The following LRRC4C variants were observed in gnomAD, a reference collection of about 807,000 sequenced individuals.
LRRC4C encodes the protein leucine-rich repeat-containing protein 4C.
In LRRC4C, 5 loss-of-function variants were observed where a neutral mutation model predicts 33.6. That is an observed-to-expected ratio of 0.15 (90% CI 0.08 to 0.31). The LOEUF is 0.31. LRRC4C is among the 10% of genes least tolerant of loss of function. The probability of loss-of-function intolerance (pLI) is 1.00; values close to 1 mark genes in which losing one functional copy is unlikely to be tolerated. For synonymous variants in LRRC4C, 329 were observed against 302.0 expected, an observed-to-expected ratio of 1.09 and a Z score of -0.93; for missense variants, 560 against 796.7, an observed-to-expected ratio of 0.70 and a Z score of 3.58.
chr11:40,757,745 T>A (rs1949022305), intron 2 of LRRC4C, among the ~76,000 whole-genome samples: 1 of 151,990 alleles, frequency 6.6e-6, no homozygotes, highest in Non-Finnish European at 1.5e-5. Context: ...CAAGGGATGC[T>A]AAACATCTTG....
At chr11:40,959,222 A>G (rs117797552) in intron 1 of LRRC4C, among the ~76,000 whole-genome samples, 1 of 151,652 alleles carries the variant, frequency 6.6e-6, no homozygotes, top group Non-Finnish European at 1.5e-5. Context: ...TAAGTATACC[A>G]TCAATAAAGA....
intron 3 of LRRC4C, among the ~76,000 whole-genome samples, chr11:40,563,509 T>C (rs1053337738): frequency 6.6e-6 from 1 of 152,082 alleles, no homozygotes; most frequent in Admixed American, 6.5e-5. Flanking sequence ...CTGAGGGTGG[T>C]TAATAAACAG....
At chr11:41,022,310 A>G (rs201545629) in intron 1 of LRRC4C, among the ~76,000 whole-genome samples, 3 of 151,262 alleles carry the variant, frequency 2.0e-5, no homozygotes, top group Non-Finnish European at 3.0e-5. Flanking sequence ...TATCTTTAAA[A>G]AAAGTGAACT....
At chr11:40,394,796 A>G (rs780978187) in intron 3 of LRRC4C, among the ~76,000 whole-genome samples, 15 of 152,184 alleles carry the variant, frequency 9.9e-5, no homozygotes, top group Non-Finnish European at 1.9e-4. Flanking sequence ...CATCTTTTCA[A>G]ATGGGTTTTA....
intron 1 of LRRC4C, among the ~76,000 whole-genome samples, chr11:41,255,184 T>C (rs891617018): frequency 2.0e-5 from 3 of 152,044 alleles, no homozygotes; most frequent in Non-Finnish European, 4.4e-5. Flanking sequence ...ACCTGCCAAA[T>C]GAATGAAGCA....
intron 2 of LRRC4C, among the ~76,000 whole-genome samples, chr11:40,859,601 G>A (rs530225794): frequency 6.6e-6 from 1 of 151,794 alleles, no homozygotes; most frequent in East Asian, 1.9e-4. Context: ...TCCTTGCTCT[G>A]TACCCAAAAG....
At chr11:40,860,608 G>T (rs1272243106) in intron 2 of LRRC4C, among the ~76,000 whole-genome samples, 1 of 151,892 alleles carries the variant, frequency 6.6e-6, no homozygotes. Flanking sequence ...TACTACCAGT[G>T]CATCTCTGTC....
intron 5 of LRRC4C, among the ~76,000 whole-genome samples, chr11:40,238,010 G>A (rs1460631200): frequency 6.6e-6 from 1 of 152,164 alleles, no homozygotes; most frequent in Non-Finnish European, 1.5e-5. Flanking sequence ...AATTAATTCG[G>A]ATATATTGAC....
chr11:40,677,498 G>A (rs1000678143), intron 2 of LRRC4C, among the ~76,000 whole-genome samples: 1 of 152,132 alleles, frequency 6.6e-6, no homozygotes, highest in African/African-American at 2.4e-5. Flanking sequence ...GTCTGGACCT[G>A]AAGGAAAGAA....
chr11:40,875,234 T>C (rs1187094693), intron 2 of LRRC4C, among the ~76,000 whole-genome samples: 1 of 152,176 alleles, frequency 6.6e-6, no homozygotes, highest in Non-Finnish European at 1.5e-5. Flanking sequence ...AATCTATTTC[T>C]AAAAGAGGAT....
chr11:40,338,746 C>T (rs1353608210), intron 3 of LRRC4C, among the ~76,000 whole-genome samples: 2 of 152,028 alleles, frequency 1.3e-5, no homozygotes, highest in African/African-American at 2.4e-5. Flanking sequence ...TCCAACGTTT[C>T]TGAATAAAAT....
At chr11:40,860,519 C>T (rs954337836) in intron 2 of LRRC4C, among the ~76,000 whole-genome samples, 7 of 152,176 alleles carry the variant, frequency 4.6e-5, no homozygotes, top group African/African-American at 1.4e-4. Flanking sequence ...CTAGTCTCTG[C>T]TGATGTGCCA....
chr11:40,389,216 G>A (rs1333894678), intron 3 of LRRC4C, among the ~76,000 whole-genome samples: 1 of 152,074 alleles, frequency 6.6e-6, no homozygotes, highest in East Asian at 1.9e-4. Context: ...CATTAAACTT[G>A]GGAGAAGTTA....
intron 1 of LRRC4C, among the ~76,000 whole-genome samples, chr11:41,353,573 G>A (rs890498975): frequency 2.6e-5 from 4 of 151,870 alleles, no homozygotes; most frequent in African/African-American, 7.3e-5. Context: ...GAATTAAAAT[G>A]AAAACTTGAA....
intron 1 of LRRC4C, among the ~76,000 whole-genome samples, chr11:41,084,222 T>G (rs116197014): frequency 2.9e-4 from 44 of 152,184 alleles, no homozygotes; most frequent in African/African-American, 9.9e-4. Flanking sequence ...GATCATCTGG[T>G]GTATTGATTA....
chr11:40,755,635 G>A (rs2137025452), intron 2 of LRRC4C, among the ~76,000 whole-genome samples: 1 of 152,134 alleles, frequency 6.6e-6, no homozygotes. Flanking sequence ...CTGGTATCTA[G>A]AGGATAGAGG....
At chr11:41,262,187 G>A (rs1474562792) in intron 1 of LRRC4C, among the ~76,000 whole-genome samples, 1 of 151,840 alleles carries the variant, frequency 6.6e-6, no homozygotes, top group East Asian at 1.9e-4. Flanking sequence ...AATTTCAATG[G>A]CCAGATTTTG....
chr11:41,171,580 A>G (rs1462383152), intron 1 of LRRC4C, among the ~76,000 whole-genome samples: 1 of 144,338 alleles, frequency 6.9e-6, no homozygotes, highest in Admixed American at 7.0e-5. Context: ...GAAGGGGAAC[A>G]TCACACACCG....
Position 40,631,205 on chromosome 11 carries a change from G to C in LRRC4C, c.-270+16937C>G, listed in dbSNP as rs565876426. Among the ~76,000 whole-genome samples the C allele has an allele frequency of 3.9e-5, 6 of 152,198 alleles. No homozygotes were observed. In the South Asian group the frequency reaches 1.2e-3, roughly 32 times the overall value. On this transcript the variant is annotated intron_variant, in intron 3 of 6. Coordinates refer to ENST00000528697, the MANE Select transcript of LRRC4C (RefSeq NM_001258419.2). ...TTCTGCCTATTTGAAGCTCTTTTCT[G>C]GACTCTTATCACGGTTAAAAATGGG...
Sources: allele counts gnomAD v4.1 joint callset (sites outside exome capture counted in the v4.1 genomes callset), GRCh38; gene constraint gnomAD v4.1.1; transcripts MANE v1.5; gene names NCBI Gene and HGNC (gene_info 2026-07-23, HGNC 2026-07-21).